The following RBFOX1 variants were observed in gnomAD, a reference collection of about 807,000 sequenced individuals.
RBFOX1 encodes the protein RNA binding protein fox-1 homolog 1.
In RBFOX1, 8 loss-of-function variants were observed where a neutral mutation model predicts 57.7. The observed-to-expected ratio is 0.14, with a 90% CI of 0.08 to 0.25. The LOEUF (loss-of-function observed/expected upper bound fraction) is 0.25. Among genes scored for constraint, RBFOX1 ranks in the 10% least tolerant of loss-of-function variants. RBFOX1 has a pLI of 1.00. For synonymous variants in RBFOX1, 326 were observed against 222.4 expected, an observed-to-expected ratio of 1.47 and a Z score of -4.15; for missense variants, 611 against 548.5, an observed-to-expected ratio of 1.11 and a Z score of -1.14.
At chr16:5,352,207 G>A (rs1263072892) in intron 1 of RBFOX1, among the ~76,000 whole-genome samples, 12 of 152,098 alleles carry the variant, frequency 7.9e-5, no homozygotes, top group Non-Finnish European at 2.9e-5. Context: ...GTGCTCCTCC[G>A]AACGCTGTGT....
intron 2 of RBFOX1, among the ~76,000 whole-genome samples, chr16:6,494,683 C>T (rs548751612): frequency 6.6e-6 from 1 of 152,328 alleles, no homozygotes; most frequent in Non-Finnish European, 1.5e-5. Context: ...ACTTCTCTGG[C>T]ATAAATGCCC....
intron 3 of RBFOX1, among the ~76,000 whole-genome samples, chr16:7,001,582 G>A (rs1187645401): frequency 6.6e-6 from 1 of 151,950 alleles, no homozygotes; most frequent in Non-Finnish European, 1.5e-5. Context: ...TCAGCCTCCC[G>A]AGTAGCTGGG....
At chr16:7,026,108 C>T (rs975696583) in intron 3 of RBFOX1, among the ~76,000 whole-genome samples, 4 of 152,134 alleles carry the variant, frequency 2.6e-5, no homozygotes, top group Non-Finnish European at 4.4e-5. Flanking sequence ...GGACTATGGT[C>T]ACAGGCCAGG....
At chr16:6,903,247 T>C (rs906569449) in intron 3 of RBFOX1, among the ~76,000 whole-genome samples, 2 of 152,104 alleles carry the variant, frequency 1.3e-5, no homozygotes, top group Admixed American at 6.6e-5. Flanking sequence ...TTAGAGGCCA[T>C]TGTAGCTGCC....
At chr16:6,654,236 T>C (rs1280582552) in intron 2 of RBFOX1, among the ~76,000 whole-genome samples, 1 of 152,174 alleles carries the variant, frequency 6.6e-6, no homozygotes, top group Non-Finnish European at 1.5e-5. Context: ...TATCTGACTA[T>C]CCTAAATTTT....
chr16:5,688,274 T>C (rs1276681043), intron 3 of RBFOX1, among the ~76,000 whole-genome samples: 2 of 152,226 alleles, frequency 1.3e-5, no homozygotes, highest in South Asian at 4.1e-4. Context: ...GGCATGACAA[T>C]TTATTTTGTT....
chr16:7,627,628 C>G (rs1021155116), intron 10 of RBFOX1, among the ~76,000 whole-genome samples: 1 of 152,182 alleles, frequency 6.6e-6, no homozygotes, highest in Admixed American at 6.5e-5. Flanking sequence ...CTTGTAGGCC[C>G]TCTCCATACT....
intron 10 of RBFOX1, among the ~76,000 whole-genome samples, chr16:7,609,803 T>G (rs932646838): frequency 1.5e-4 from 22 of 150,054 alleles, no homozygotes; most frequent in African/African-American, 5.2e-4. Flanking sequence ...ACTGGTGGGG[T>G]TTTGTTTGTT....
intron 3 of RBFOX1, among the ~76,000 whole-genome samples, chr16:5,785,342 A>C (rs1427795080): frequency 6.6e-6 from 1 of 152,028 alleles, no homozygotes; most frequent in African/African-American, 2.4e-5. Flanking sequence ...GCTCAAAACT[A>C]TCCAATTCTG....
rs551793753 is a variant in RBFOX1, at chr16:7,343,597, G to C, written c.28-174550G>C. ...TTTTGTTATAATAACAACAGCAGCT[G>C]CTGTTTTTAGGCATTTACTATATAT... On this transcript the variant is annotated intron_variant, in intron 4 of 15. Coordinates refer to ENST00000550418, the MANE Select transcript of RBFOX1 (RefSeq NM_018723.4). Among the ~76,000 whole-genome samples the C allele has an allele frequency of 2.0e-5, 3 of 152,310 alleles. No homozygotes were observed. In the South Asian group the frequency reaches 6.2e-4, roughly 32 times the overall value.
At chr16:5,388,354 C>CTT (rs2066311382) in intron 1 of RBFOX1, among the ~76,000 whole-genome samples, 1 of 152,136 alleles carries the variant, frequency 6.6e-6, no homozygotes, top group Admixed American at 6.5e-5. Context: ...CGACAACAAG[C>CTT]TTTTTCTATA....
At chr16:6,572,002 A>G (rs1399354778) in intron 2 of RBFOX1, among the ~76,000 whole-genome samples, 1 of 152,158 alleles carries the variant, frequency 6.6e-6, no homozygotes, top group African/African-American at 2.4e-5. Flanking sequence ...TCACATTTTT[A>G]TACCTTTACA....
intron 3 of RBFOX1, among the ~76,000 whole-genome samples, chr16:6,720,409 CTCTT>C (rs2065747327): frequency 6.6e-6 from 1 of 152,172 alleles, no homozygotes; most frequent in African/African-American, 2.4e-5. Flanking sequence ...CCATGTAAAT[CTCTT>C]TCTTTATAAA....
intron 3 of RBFOX1, among the ~76,000 whole-genome samples, chr16:6,700,879 A>C (rs1004674827): frequency 2.0e-5 from 3 of 152,136 alleles, no homozygotes; most frequent in African/African-American, 2.4e-5. Flanking sequence ...TAATGCTCCA[A>C]ATATCCTCTT....
At chr16:6,543,465 G>C (rs996159874) in intron 2 of RBFOX1, among the ~76,000 whole-genome samples, 8 of 152,140 alleles carry the variant, frequency 5.3e-5, no homozygotes, top group Non-Finnish European at 1.2e-4. Context: ...TCTTGACTCT[G>C]ACATGTGGCT....
intron 3 of RBFOX1, among the ~76,000 whole-genome samples, chr16:5,732,582 G>T (rs1051152022): frequency 6.6e-6 from 1 of 152,214 alleles, no homozygotes; most frequent in Non-Finnish European, 1.5e-5. Context: ...GCTGTCTATG[G>T]CTTTAGGCCT....
intron 12 of RBFOX1, among the ~76,000 whole-genome samples, chr16:7,656,889 T>C (rs1332955673): frequency 1.3e-5 from 2 of 152,158 alleles, no homozygotes; most frequent in Non-Finnish European, 2.9e-5. Context: ...AGAAGAAATA[T>C]GGGGTATATA....
intron 14 of RBFOX1, among the ~76,000 whole-genome samples, chr16:7,688,364 T>A (rs1198967156): frequency 6.6e-6 from 1 of 151,912 alleles, no homozygotes; most frequent in African/African-American, 2.4e-5. Flanking sequence ...ACAATAGCAA[T>A]GTAACAGAAT....
chr16:5,866,536 C>A (rs527761755), intron 3 of RBFOX1, among the ~76,000 whole-genome samples: 21 of 152,286 alleles, frequency 1.4e-4, no homozygotes, highest in Admixed American at 4.6e-4. Flanking sequence ...AAGATCTGAT[C>A]TCTAGATAGG....
Sources: gnomAD v4.1 joint callset for allele counts (sites outside exome capture counted in the v4.1 genomes callset) on GRCh38, gnomAD v4.1.1 for gene constraint, MANE v1.5 for transcripts, NCBI Gene and HGNC (gene_info 2026-07-23, HGNC 2026-07-21) for gene names.